Variants in POU2F1 observed in about 807,000 individuals in gnomAD.
The protein encoded by POU2F1 is POU domain, class 2, transcription factor 1.
In POU2F1, 16 loss-of-function variants were observed where a neutral mutation model predicts 84.9. The ratio of observed to expected loss-of-function variants is 0.19; its 90% CI spans 0.13 to 0.29. The LOEUF is 0.29. Among genes scored for constraint, POU2F1 ranks in the 10% least tolerant of loss-of-function variants. POU2F1 has a pLI of 1.00. For synonymous variants in POU2F1, 368 were observed against 368.3 expected (o/e 1.00, Z 0.01); for missense variants, 738 against 942.6 (o/e 0.78, Z 2.84).
chr1:167,344,459 T>C (rs1658061295), intron 2 of POU2F1, among the ~76,000 whole-genome samples: 1 of 152,208 alleles, frequency 6.6e-6, no homozygotes, highest in African/African-American at 2.4e-5. Context: ...ATGATAAATG[T>C]AAGCAACTCT....
At chr1:167,377,019 A>G (rs73024282) in intron 7 of POU2F1, among the ~76,000 whole-genome samples, 15,669 of 152,086 alleles carry the variant, frequency 0.1, 1,967 homozygotes, top group African/African-American at 0.31. Context: ...TTGGGAAAAT[A>G]CATTCATAGG....
At position 167,240,044 on chromosome 1, in the gene POU2F1, A is replaced by G. The variant is rs867461964; in HGVS notation, c.61+19086A>G. On this transcript the variant is annotated intron_variant, in intron 1 of 15. Transcript: ENST00000367866. ...TGCCATAAAAGGAAAAGATGGATAG[A>G]TTTAACTATATAAAATATTTATGGT... Among the ~76,000 whole-genome samples, 10 of 152,214 alleles carry G rather than the reference A, an allele frequency of 6.6e-5. No homozygotes were observed. In the South Asian group the frequency reaches 1.7e-3, roughly 25 times the overall value.
Position 167,426,554 on chromosome 1 carries a change from T to C in POU2F1, c.*10744T>C, listed in dbSNP as rs1255476334. Reference sequence around the variant, plus strand: ...TTCTTTTAAAGAGACAGTGATCGTGTTTTTCTAAAGATGTTTTCTTTCTCT... The same window carrying C: ...TTCTTTTAAAGAGACAGTGATCGTGCTTTTCTAAAGATGTTTTCTTTCTCT... On this transcript the variant is annotated 3_prime_UTR_variant, in exon 16 of 16. Coordinates refer to ENST00000367866, the MANE Select transcript of POU2F1 (RefSeq NM_002697.4). 6.6e-6 allele frequency: 1 copy of C among 152,260 alleles called. No homozygotes were observed. The highest frequency in any genetic ancestry group is 1.5e-5 in the Non-Finnish European group (1 of 68,044). 9.4% of individuals were successfully genotyped at this position (152,260 alleles called of 1,614,324 possible).
intron 1 of POU2F1, among the ~76,000 whole-genome samples, chr1:167,317,347 G>T (rs1655978187): frequency 6.6e-6 from 1 of 152,168 alleles, no homozygotes; most frequent in Non-Finnish European, 1.5e-5. Context: ...TCAGTTACAA[G>T]CCTTCTGAAA....
chr1:167,243,364 G>A (rs142273791), intron 1 of POU2F1, among the ~76,000 whole-genome samples: 290 of 152,348 alleles, frequency 1.9e-3, no homozygotes, highest in Non-Finnish European at 2.2e-3. Context: ...TGCTGAGCAC[G>A]TTGGAATCTG....
chr1:167,389,235 T>G (rs749765207), intron 8 of POU2F1, among the ~76,000 whole-genome samples: 2 of 152,208 alleles, frequency 1.3e-5, no homozygotes, highest in Non-Finnish European at 2.9e-5. Context: ...ACAGTTGAAG[T>G]GCTAGACTTA....
chr1:167,362,042 A>G (rs535355441), intron 2 of POU2F1, among the ~76,000 whole-genome samples: 30 of 152,080 alleles, frequency 2.0e-4, no homozygotes, highest in Admixed American at 5.9e-4. Context: ...TTGGCCCGCA[A>G]TGTACCTACC....
At chr1:167,396,498 G>T in intron 10 of POU2F1, 71 bp downstream of exon 10, 1 of 1,468,220 alleles carries the variant, frequency 6.8e-7, no homozygotes, top group Non-Finnish European at 9.3e-7. Context: ...TATAAATTGG[G>T]GTTTATATTT....
At chr1:167,346,897 A>G (rs1193596582) in intron 2 of POU2F1, among the ~76,000 whole-genome samples, 16 of 152,234 alleles carry the variant, frequency 1.1e-4, no homozygotes, top group Admixed American at 9.8e-4. Flanking sequence ...CTCTTTCAGG[A>G]TTTCCATTAT....
intron 1 of POU2F1, chr1:167,241,258 CA>C (rs1363920188): frequency 6.6e-6 from 1 of 152,206 alleles, no homozygotes; most frequent in African/African-American, 2.4e-5. Flanking sequence ...ATAACCTTAG[CA>C]GAATGATGTC....
chr1:167,367,519 T>G (rs1018005148), intron 3 of POU2F1, among the ~76,000 whole-genome samples: 1 of 152,204 alleles, frequency 6.6e-6, no homozygotes, highest in East Asian at 1.9e-4. Flanking sequence ...ATTTTTGAGC[T>G]GAGTCTTGAG....
intron 3 of POU2F1, among the ~76,000 whole-genome samples, chr1:167,369,831 A>G (rs1659898009): frequency 6.6e-6 from 1 of 152,192 alleles, no homozygotes; most frequent in Non-Finnish European, 1.5e-5. Context: ...GGTTAATTAA[A>G]TTTTTAGAAT....
intron 1 of POU2F1, among the ~76,000 whole-genome samples, chr1:167,269,639 G>A (rs1253179341): frequency 8.5e-5 from 13 of 152,108 alleles, no homozygotes; most frequent in Non-Finnish European, 1.6e-4. Flanking sequence ...TGGGTTGGGC[G>A]CGGTGACTCA....
chr1:167,237,746 G>GTGTGTGTATATATATATATATATA (rs1478366181), intron 1 of POU2F1, among the ~76,000 whole-genome samples: 15 of 72,984 alleles, frequency 2.1e-4, no homozygotes, highest in Admixed American at 2.2e-4. Flanking sequence ...ATGTGTGTGT[G>GTGTGTGTATATATATATATATATA]TATATATATA....
intron 1 of POU2F1, among the ~76,000 whole-genome samples, chr1:167,293,653 T>G (rs562819918): frequency 1.1e-4 from 16 of 152,234 alleles, no homozygotes; most frequent in African/African-American, 3.9e-4. Context: ...CCAAAGGTAA[T>G]TGTAAACAAA....
chr1:167,338,272 C>T (rs1456859182), intron 2 of POU2F1: 1 of 457,730 alleles, frequency 2.2e-6, no homozygotes, highest in East Asian at 6.9e-5. Context: ...AATATATTTT[C>T]TCTCACTTAG....
At chr1:167,312,495 G>A (rs144621482) in intron 1 of POU2F1, among the ~76,000 whole-genome samples, 36 of 151,872 alleles carry the variant, frequency 2.4e-4, no homozygotes, top group African/African-American at 7.7e-4. Context: ...TTCCCAAAGT[G>A]CTTGGATTAC....
At chr1:167,413,182 TG>T in intron 15 of POU2F1, 68 bp downstream of exon 15, 2 of 1,334,082 alleles carry the variant, frequency 1.5e-6, no homozygotes, top group Non-Finnish European at 2.1e-6. Context: ...TGTGTGTGTG[TG>T]TGTGTGCTTG....
At chr1:167,251,769 TCAC>T (rs1242062509) in intron 1 of POU2F1, among the ~76,000 whole-genome samples, 1 of 151,840 alleles carries the variant, frequency 6.6e-6, no homozygotes, top group Non-Finnish European at 1.5e-5. Flanking sequence ...ACTTTTGTCA[TCAC>T]GGAACATATT....
Sources: gnomAD v4.1 joint callset for allele counts (sites outside exome capture counted in the v4.1 genomes callset) on GRCh38, gnomAD v4.1.1 for gene constraint, MANE v1.5 for transcripts, NCBI Gene and HGNC (gene_info 2026-07-23, HGNC 2026-07-21) for gene names.